The following PRR14L variants were observed in gnomAD, a reference collection of about 807,000 sequenced individuals.
The protein encoded by PRR14L is proline rich 14 like, also known as protein PRR14L.
Under a neutral mutation model 155.0 loss-of-function variants are expected in PRR14L, and 80 were observed. That is an observed-to-expected ratio of 0.52 (90% confidence interval 0.43 to 0.62). The LOEUF (loss-of-function observed/expected upper bound fraction) is 0.62, where lower values mean the gene tolerates loss of function less well. PRR14L is among the 20% of genes least tolerant of loss of function. The pLI is 0.00. For missense variants in PRR14L, 2,469 were observed against 2,548.0 expected (o/e 0.97, Z 0.67); for synonymous variants, 883 against 916.0 (o/e 0.96, Z 0.65).
intron 3 of PRR14L, among the ~76,000 whole-genome samples, 188 bp from the exon 4 acceptor site, chr22:31,717,479 A>G (rs934352548): frequency 7.2e-5 from 11 of 152,352 alleles, no homozygotes; most frequent in Non-Finnish European, 1.5e-4. Context: ...GGCCAAAACT[A>G]TATCTGGCAG....
At chr22:31,700,846 G>A (rs1027653941) in intron 7 of PRR14L, among the ~76,000 whole-genome samples, 6 of 151,466 alleles carry the variant, frequency 4.0e-5, no homozygotes, top group Non-Finnish European at 8.9e-5. Context: ...GAGCCACCGC[G>A]CCTGGCCCTG....
Position 31,703,702 on chromosome 22 carries a change from C to T in PRR14L, c.5848G>A (p.Ala1950Thr). 6.3e-7 allele frequency: 1 copy of T among 1,595,268 alleles called. No individual in the cohort carries two copies. The highest frequency in any genetic ancestry group is 8.5e-7 in the Non-Finnish European group (1 of 1,169,782). ...ACCAAGCAAGACTTTGGTACCAAGGCAGGGAATGGAGGCTCCAGCCTAGCA... is the reference window on the plus strand; with the variant it reads ...ACCAAGCAAGACTTTGGTACCAAGGTAGGGAATGGAGGCTCCAGCCTAGCA... ...SQTRLEPPFPALVPKSCLVAE... is the reference protein window; with the variant it reads ...SQTRLEPPFPTLVPKSCLVAE... Residue 1950 changes from alanine to threonine, a missense_variant, in exon 6 of 9, where the codon GCC becomes ACC. Ala to Thr is a moderately conservative substitution (Grantham distance 58). Transcript: ENST00000327423.
rs902437741 is a variant in PRR14L, at chr22:31,715,172, G to A, written c.2667C>T (p.Thr889=). 18 of 1,551,824 alleles carry A rather than the reference G, an allele frequency of 1.2e-5. No individual in the cohort carries two copies. The highest frequency in any genetic ancestry group is 3.5e-6 in the Non-Finnish European group (4 of 1,147,002). ...GTTTGATGCTACTGGAGGTGTGAAT[G>A]GTTTTGTTTGAAATTCCACTATTTA... ...GLLNSGISNK[T]IHTSSSIKLS... The change falls in exon 4 of 9, where the codon ACC becomes ACT. Residue 889 remains threonine (T), a synonymous_variant. Coordinates refer to ENST00000327423, the MANE Select transcript of PRR14L (RefSeq NM_173566.3).
intron 8 of PRR14L, among the ~76,000 whole-genome samples, chr22:31,687,509 A>G (rs964398734): frequency 6.7e-6 from 1 of 150,352 alleles, no homozygotes. Context: ...GTGAGCCACC[A>G]TGCCCGGCTA....
intron 2 of PRR14L, among the ~76,000 whole-genome samples, chr22:31,730,443 C>CA (rs1417832397): frequency 2.0e-5 from 3 of 150,886 alleles, no homozygotes; most frequent in Non-Finnish European, 4.4e-5. Context: ...GACTCCGTCT[C>CA]AAAAAAGAAA....
intron 4 of PRR14L, among the ~76,000 whole-genome samples, chr22:31,704,927 T>C (rs940183887): frequency 2.0e-5 from 3 of 152,138 alleles, no homozygotes; most frequent in Admixed American, 1.3e-4. Context: ...GACAGGAAGA[T>C]TATTTTCTAA....
intron 2 of PRR14L, among the ~76,000 whole-genome samples, chr22:31,729,454 T>G (rs1471171183): frequency 6.6e-6 from 1 of 152,126 alleles, no homozygotes; most frequent in East Asian, 1.9e-4. Flanking sequence ...CCTGACCTGA[T>G]GATCTGCCCA....
At chr22:31,729,836 G>T (rs532089574) in intron 2 of PRR14L, among the ~76,000 whole-genome samples, 2 of 152,218 alleles carry the variant, frequency 1.3e-5, no homozygotes, top group East Asian at 3.9e-4. Context: ...ACGGATGGTG[G>T]TGATGGTTAC....
chr22:31,717,703 C>A (rs1159934106), intron 3 of PRR14L, among the ~76,000 whole-genome samples: 1 of 152,158 alleles, frequency 6.6e-6, no homozygotes, highest in Non-Finnish European at 1.5e-5. Flanking sequence ...AATTAGATGT[C>A]ATCGATAAAA....
chr22:31,713,766 A>G lies in PRR14L; in HGVS notation c.4073T>C (p.Leu1358Ser). The change falls in exon 4 of 9, where the codon TTG (leucine) becomes TCG (serine). Residue 1358 changes from leucine (L) to serine (S), a missense_variant. By Grantham distance (145) the Leu-to-Ser change is moderately radical. Coordinates refer to ENST00000327423, the MANE Select transcript of PRR14L (RefSeq NM_173566.3). ...YLTVGEQSEE[L>S]VTRETGDGDP... ...GCCATCGCCAGTTTCTCTGGTAACCAACTCCTCAGATTGCTCCCCAACAGT... is the reference window on the plus strand; with the variant it reads ...GCCATCGCCAGTTTCTCTGGTAACCGACTCCTCAGATTGCTCCCCAACAGT... 1.9e-6 allele frequency: 3 copies of G among 1,552,272 alleles called. No individual in the cohort carries two copies. The highest frequency in any genetic ancestry group is 2.6e-6 in the Non-Finnish European group (3 of 1,147,136).
intron 2 of PRR14L, among the ~76,000 whole-genome samples, chr22:31,736,317 T>C (rs1601516272): frequency 2.4e-5 from 3 of 126,324 alleles, no homozygotes; most frequent in Admixed American, 9.0e-5. Context: ...ACCCAGGAGG[T>C]GGAGGTTGCA....
At chr22:31,748,827 A>C (rs1200697900) in intron 1 of PRR14L, among the ~76,000 whole-genome samples, 1 of 152,160 alleles carries the variant, frequency 6.6e-6, no homozygotes. Context: ...TCCAAAAGCT[A>C]AGTCTTTTTT....
At chr22:31,698,169 T>G (rs1351120294) in intron 7 of PRR14L, among the ~76,000 whole-genome samples, 2 of 151,492 alleles carry the variant, frequency 1.3e-5, no homozygotes, top group African/African-American at 4.9e-5. Flanking sequence ...GGATGACAGG[T>G]GCCTGCCACC....
intron 6 of PRR14L, among the ~76,000 whole-genome samples, chr22:31,702,015 G>T (rs1486959597): frequency 6.6e-6 from 1 of 152,078 alleles, no homozygotes; most frequent in Non-Finnish European, 1.5e-5. Flanking sequence ...GCCCAGGCTG[G>T]CCAGGAACTC....
chr22:31,736,894 C>T (rs1443241719), intron 2 of PRR14L, among the ~76,000 whole-genome samples: 4 of 151,654 alleles, frequency 2.6e-5, no homozygotes, highest in South Asian at 2.1e-4. Context: ...ATAAATTAGC[C>T]GGGCGTGGTG....
chr22:31,691,308 G>A (rs1434985281), intron 7 of PRR14L, among the ~76,000 whole-genome samples: 1 of 151,586 alleles, frequency 6.6e-6, no homozygotes, highest in African/African-American at 2.4e-5. Context: ...GTACAGGCTA[G>A]CTTTGAACTC....
chr22:31,717,094 A>G lies in PRR14L; in HGVS notation c.745T>C (p.Leu249=), dbSNP rs4296524. 7.2e-3 allele frequency: 11,099 copies of G among 1,552,080 alleles called. 278 individuals carry two copies. The African/African-American group carries it at 0.076, about 11-fold the overall frequency. The change falls in exon 4 of 9, where the codon TTA becomes CTA. Residue 249 remains leucine, a synonymous_variant. Coordinates refer to ENST00000327423, the MANE Select transcript of PRR14L (RefSeq NM_173566.3). ...TSDEVSETST[L]VTPEPLTFVD... ...AAGGTTAAAGGTTCTGGGGTAACTA[A>G]TGTGCTGGTTTCTGAAACCTCATCA...
At chr22:31,689,536 A>T (rs2074500079) in intron 7 of PRR14L, among the ~76,000 whole-genome samples, 1 of 152,132 alleles carries the variant, frequency 6.6e-6, no homozygotes. Context: ...AAACATTCGC[A>T]AGGTTATTCC....
intron 1 of PRR14L, among the ~76,000 whole-genome samples, chr22:31,746,819 C>T (rs11912735): frequency 0.034 from 4,563 of 135,126 alleles, 221 homozygotes; most frequent in African/African-American, 0.11. Flanking sequence ...TTTTTTGAGA[C>T]GGAGTCTCAC....
Sources: gnomAD v4.1 joint callset for allele counts (sites outside exome capture counted in the v4.1 genomes callset) on GRCh38, gnomAD v4.1.1 for gene constraint, MANE v1.5 for transcripts, NCBI Gene and HGNC (gene_info 2026-07-23, HGNC 2026-07-21) for gene names.